AFG2A: variants seen among roughly 807,000 people sequenced by gnomAD.
The protein encoded by AFG2A is AAA ATPase AFG2A.
the AFG2A span, among the ~76,000 whole-genome samples, chr4:123,292,938 A>C: frequency 5.9e-5 from 9 of 152,194 alleles, no homozygotes; most frequent in Admixed American, 2.0e-4. Context: ...GACAGAAGCA[A>C]CTGGGGGAGC....
At chr4:122,961,743 G>T in the AFG2A span, among the ~76,000 whole-genome samples, 2 of 152,320 alleles carry the variant, frequency 1.3e-5, no homozygotes, top group East Asian at 3.9e-4. Flanking sequence ...GACCTCAAGT[G>T]ATCTGCTCAC....
At chr4:123,289,820 A>T in the AFG2A span, among the ~76,000 whole-genome samples, 2 of 151,224 alleles carry the variant, frequency 1.3e-5, no homozygotes, top group Admixed American at 6.6e-5. Flanking sequence ...GGCCATTTGT[A>T]TGTCTTTTTT....
chr4:122,948,563 A>G, the AFG2A span, among the ~76,000 whole-genome samples: 1 of 152,152 alleles, frequency 6.6e-6, no homozygotes, highest in Admixed American at 6.6e-5. Context: ...ATTGAGTGTC[A>G]TGCTGGACCC....
At chr4:123,039,333 A>G in the AFG2A span, among the ~76,000 whole-genome samples, 1 of 152,114 alleles carries the variant, frequency 6.6e-6, no homozygotes, top group Non-Finnish European at 1.5e-5. Context: ...TGCAATAAAA[A>G]CAGTGACCCC....
At chr4:123,148,799 C>T in the AFG2A span, among the ~76,000 whole-genome samples, 4 of 147,056 alleles carry the variant, frequency 2.7e-5, no homozygotes, top group Non-Finnish European at 4.5e-5. Context: ...GACAGAGTCT[C>T]GCTCTGTCGA....
chr4:123,129,168 A>G, the AFG2A span, among the ~76,000 whole-genome samples: 1 of 152,212 alleles, frequency 6.6e-6, no homozygotes, highest in South Asian at 2.1e-4. Flanking sequence ...TTAAGACAAA[A>G]GAGCTAAGTA....
At chr4:123,026,194 G>C in the AFG2A span, among the ~76,000 whole-genome samples, 1 of 151,958 alleles carries the variant, frequency 6.6e-6, no homozygotes, top group Non-Finnish European at 1.5e-5. Flanking sequence ...TTGGGTGAGA[G>C]GGTTGGCTGT....
chr4:123,022,883 T>C, the AFG2A span, among the ~76,000 whole-genome samples: 2 of 151,948 alleles, frequency 1.3e-5, no homozygotes, highest in Non-Finnish European at 2.9e-5. Context: ...ATGTCCTTTG[T>C]AGGGACATGG....
chr4:123,241,760 T>C, the AFG2A span, among the ~76,000 whole-genome samples: 1 of 152,164 alleles, frequency 6.6e-6, no homozygotes, highest in African/African-American at 2.4e-5. Context: ...CTACTCAACA[T>C]AGTGTTAGAA....
chr4:123,000,322 G>C, the AFG2A span, among the ~76,000 whole-genome samples: 1,400 of 150,310 alleles, frequency 9.3e-3, 18 homozygotes, highest in African/African-American at 0.031. Context: ...ATTGCCCTGG[G>C]CAGAACTTCC....
chr4:123,194,665 G>T, the AFG2A span, among the ~76,000 whole-genome samples: 1 of 152,150 alleles, frequency 6.6e-6, no homozygotes, highest in African/African-American at 2.4e-5. Flanking sequence ...AATTTTGGTT[G>T]CATTTCAGTT....
the AFG2A span, chr4:122,979,478 C>A: frequency 7.2e-7 from 1 of 1,389,396 alleles, no homozygotes; most frequent in Non-Finnish European, 9.8e-7. Context: ...CTAGGCTAAA[C>A]TTTAAAAAAA....
chr4:122,934,482 A>G, the AFG2A span: 4 of 1,614,236 alleles, frequency 2.5e-6, no homozygotes, highest in Non-Finnish European at 3.4e-6. Context: ...AATCTGCCAG[A>G]GAAGGAAATG....
At chr4:123,217,565 T>A in the AFG2A span, among the ~76,000 whole-genome samples, 2 of 152,180 alleles carry the variant, frequency 1.3e-5, no homozygotes, top group Admixed American at 1.3e-4. Flanking sequence ...AAGGAAAACT[T>A]ACACAGCTGA....
At chr4:123,011,522 G>A in the AFG2A span, among the ~76,000 whole-genome samples, 3 of 152,186 alleles carry the variant, frequency 2.0e-5, no homozygotes, top group South Asian at 4.1e-4. Context: ...AGGGACCGAC[G>A]TGTTAAAGAA....
the AFG2A span, among the ~76,000 whole-genome samples, chr4:123,026,457 T>TGCAAAAAAATC: frequency 6.6e-6 from 1 of 152,076 alleles, no homozygotes; most frequent in Non-Finnish European, 1.5e-5. Context: ...TAAAAAAAAT[T>TGCAAAAAAATC]GCAAAAAAAT....
the AFG2A span, among the ~76,000 whole-genome samples, chr4:123,310,392 ATGT>A: frequency 6.6e-6 from 1 of 152,202 alleles, no homozygotes; most frequent in Non-Finnish European, 1.5e-5. Context: ...GGCTAGTTCA[ATGT>A]AATCCGTGTT....
the AFG2A span, among the ~76,000 whole-genome samples, chr4:123,110,361 A>T: frequency 6.6e-6 from 1 of 152,122 alleles, no homozygotes; most frequent in Non-Finnish European, 1.5e-5. Context: ...TCACATTCAC[A>T]TTTGTGACCT....
chr4:123,134,957 A>G, the AFG2A span, among the ~76,000 whole-genome samples: 10,849 of 152,104 alleles, frequency 0.071, 1,248 homozygotes, highest in African/African-American at 0.24. Context: ...GACATTACAA[A>G]ACAAAACTAT....
Sources: gnomAD v4.1 joint callset for allele counts (sites outside exome capture counted in the v4.1 genomes callset) on GRCh38, gnomAD v4.1.1 for gene constraint, MANE v1.5 for transcripts, NCBI Gene and HGNC (gene_info 2026-07-23, HGNC 2026-07-21) for gene names.